The following MAST1 variants were observed in gnomAD, a reference collection of about 807,000 sequenced individuals.
MAST1 encodes the protein microtubule associated serine/threonine kinase 1, also known as microtubule-associated serine/threonine-protein kinase 1.
Under a neutral mutation model 124.6 loss-of-function variants are expected in MAST1, and 40 were observed. That is an observed-to-expected ratio of 0.32 (90% CI 0.25 to 0.42). The LOEUF is 0.42. MAST1 is among the 10% of genes least tolerant of loss of function. MAST1 has a pLI of 1.00. For synonymous variants in MAST1, 938 were observed against 939.4 expected, an observed-to-expected ratio of 1.00 and a Z score of 0.03; for missense variants, 1,558 against 2,181.9, an observed-to-expected ratio of 0.71 and a Z score of 5.70.
intron 4 of MAST1, among the ~76,000 whole-genome samples, chr19:12,846,604 C>A (rs963510105): frequency 6.6e-6 from 1 of 151,436 alleles, no homozygotes; most frequent in African/African-American, 2.4e-5. Context: ...AGGCTGGGTG[C>A]GGTGGCTTGT....
chr19:12,862,633 C>CTGT (rs952424127), intron 12 of MAST1, among the ~76,000 whole-genome samples: 6 of 151,658 alleles, frequency 4.0e-5, no homozygotes, highest in South Asian at 2.1e-4. Flanking sequence ...TGGTGAAACC[C>CTGT]TGTTGTTGTT....
rs34988246 is a variant in MAST1, at chr19:12,868,103, A to ATTTTTTTTTTTTTTTTTT, written c.2566+132_2566+149dup. 695 of 322,136 alleles carry ATTTTTTTTTTTTTTTTTT rather than the reference A, an allele frequency of 2.2e-3. 75 individuals are homozygous for ATTTTTTTTTTTTTTTTTT. The highest frequency in any genetic ancestry group is 0.012 in the East Asian group (98 of 8,358). 20.0% of individuals were successfully genotyped at this position (322,136 alleles called of 1,614,324 possible). A position where few individuals can be genotyped will look rare whatever the true frequency, so the allele number is the denominator to read the frequency against. The stretch of plus-strand genomic sequence containing the variant: ...GGTCCTATTCACATTGCAATTTGGG[A>ATTTTTTTTTTTTTTTTTT]TTTTTTTTTTTTTTTTTTTTTTTGA... On this transcript the variant is annotated intron_variant, in intron 20 of 25. Transcript: ENST00000251472.
At chr19:12,850,096 C>T (rs1389999268) in intron 7 of MAST1, among the ~76,000 whole-genome samples, 1 of 152,160 alleles carries the variant, frequency 6.6e-6, no homozygotes, top group Non-Finnish European at 1.5e-5. Context: ...CCATGCCTGG[C>T]CCCCACCAAT....
chr19:12,858,262 T>A, intron 10 of MAST1, 100 bp from the exon 11 acceptor site: 1 of 1,072,386 alleles, frequency 9.3e-7, no homozygotes. Flanking sequence ...TGAAGGACTC[T>A]TTCATTCTGT....
Position 12,847,276 on chromosome 19 carries a change from GC to G in MAST1, c.328-10del. ...CCATGGTGGCTCTGACCCCGGCCCT[GC>G]CCCTGTCCCCAGTCCTCCTGCTCCT... On this transcript the variant is annotated splice_polypyrimidine_tract_variant and intron_variant, in intron 4 of 25. Transcript: ENST00000251472. This position sits in a 1 kb window ranked among gnomAD's most constrained non-coding sequence, Gnocchi z 5.5. The G allele has an allele frequency of 6.2e-7, 1 of 1,600,304 alleles. No homozygotes were observed. Among genetic ancestry groups the G allele is most frequent in the Middle Eastern group, 1.7e-4 (1 of 5,982 alleles).
At position 12,841,028 on chromosome 19, in the gene MAST1, C is replaced by A; in HGVS notation, c.210C>A (p.Pro70=). 1 of 1,540,084 alleles carries A rather than the reference C, an allele frequency of 6.5e-7. No individual in the cohort carries two copies. The highest frequency in any genetic ancestry group is 9.0e-7 in the Non-Finnish European group (1 of 1,112,122). The change falls in exon 3 of 26, where the codon CCC becomes CCA. Residue 70 remains proline (P), a synonymous_variant. Coordinates refer to ENST00000251472, the MANE Select transcript of MAST1 (RefSeq NM_014975.3). This position sits in a 1 kb window ranked among gnomAD's most constrained non-coding sequence, Gnocchi z 4.3. ...SPLDSPRNFS[P]NTPAHFSFAS... ...TGGACAGCCCCCGAAACTTCTCCCCCAACACCCCCGCCCACTTCTCGTTTG... is the reference window on the plus strand; with the variant it reads ...TGGACAGCCCCCGAAACTTCTCCCCAAACACCCCCGCCCACTTCTCGTTTG...
intron 4 of MAST1, among the ~76,000 whole-genome samples, chr19:12,846,592 C>T (rs1237467237): frequency 6.6e-6 from 1 of 151,856 alleles, no homozygotes; most frequent in Non-Finnish European, 1.5e-5. Flanking sequence ...AAGGAGGCCA[C>T]TAGGCTGGGT....
chr19:12,860,485 AC>A, intron 12 of MAST1, among the ~76,000 whole-genome samples: 1 of 123,308 alleles, frequency 8.1e-6, no homozygotes, highest in Non-Finnish European at 1.6e-5. Context: ...TTGCTCTGTC[AC>A]CAGGCTCGAA....
rs1025678471 is a variant in MAST1 at position 12,838,832 on chromosome 19, G to C, written c.83+177G>C. Among the ~76,000 whole-genome samples, 1 of 151,778 alleles carries C rather than the reference G, an allele frequency of 6.6e-6. No homozygotes were observed. Among genetic ancestry groups the C allele is most frequent in the African/African-American group, 2.4e-5 (1 of 41,330 alleles). ...ATGGGGGGTGGTGTGGGCCGAGTCT[G>C]GGGGGCTTGCACGCTGGAGAGGACG... On this transcript the variant is annotated intron_variant, in intron 1 of 25. Coordinates refer to ENST00000251472, the MANE Select transcript of MAST1 (RefSeq NM_014975.3). The surrounding 1 kb of genome is among the most constrained non-coding windows in gnomAD (Gnocchi z 4.3).
chr19:12,862,177 G>C (rs1231946993), intron 12 of MAST1, among the ~76,000 whole-genome samples: 1 of 151,950 alleles, frequency 6.6e-6, no homozygotes, highest in Non-Finnish European at 1.5e-5. Flanking sequence ...GCAAATTTTT[G>C]TACTTTTAGT....
rs185465650 is a variant in MAST1 at position 12,859,166 on chromosome 19, G to A, written c.1366+427G>A. 1.8e-4 allele frequency among the ~76,000 whole-genome samples: 28 copies of A among 152,052 alleles called. No individual in the cohort carries two copies. In the East Asian group the frequency reaches 4.6e-3, roughly 25 times the overall value. ...GCAATCTCGGTTCACTGCAACCTCC[G>A]ACTCCCAGGCTCAAGCGATTCTTAT... On this transcript the variant is annotated intron_variant, in intron 12 of 25. Transcript: ENST00000251472.
In MAST1 at chr19:12,847,863, G is replaced by A. The variant is rs1359010285; in HGVS notation, c.580G>A (p.Glu194Lys). 6.2e-7 allele frequency: 1 copy of A among 1,611,102 alleles called. No individual in the cohort carries two copies. Among genetic ancestry groups the A allele is most frequent in the Non-Finnish European group, 8.5e-7 (1 of 1,178,886 alleles). ...ERFPKATAQM[E>K]EKLRDFTRAY... is the part of the protein sequence containing the mutation. ...CCTCCCGCAGGCCACTGCGCAGATG[G>A]AGGAGAAGCTGCGCGACTTTACCCG... Residue 194 changes from glutamate to lysine, a missense_variant, in exon 7 of 26, where the codon GAG becomes AAG. Physicochemically the swap from Glu to Lys is moderately conservative, Grantham distance 56 (BLOSUM62 1). This residue lies in a region of MAST1 where 165 missense variants were observed against 315.3 expected (regional missense o/e 0.52). Coordinates refer to ENST00000251472, the MANE Select transcript of MAST1 (RefSeq NM_014975.3). This position sits in a 1 kb window ranked among gnomAD's most constrained non-coding sequence, Gnocchi z 5.5.
chr19:12,843,862 G>A lies in MAST1; in HGVS notation c.327+255G>A, dbSNP rs1038786444. On this transcript the variant is annotated intron_variant, in intron 4 of 25. Transcript: ENST00000251472. This position sits in a 1 kb window ranked among gnomAD's most constrained non-coding sequence, Gnocchi z 4.9. ...ACAAAAAATTAAAAATTATCTGGGC[G>A]TGGTGGTGCACACCTGTGGTCCCCA... 7.9e-5 allele frequency among the ~76,000 whole-genome samples: 12 copies of A among 152,146 alleles called. No homozygotes were observed. Among genetic ancestry groups the A allele is most frequent in the Non-Finnish European group, 1.3e-4 (9 of 68,012 alleles).
rs768142982 is a variant in MAST1, at chr19:12,865,188, C to T, written c.1638+10C>T. On this transcript the variant is annotated intron_variant, in intron 14 of 25. Coordinates refer to ENST00000251472, the MANE Select transcript of MAST1 (RefSeq NM_014975.3). The surrounding 1 kb of genome is among the most constrained non-coding windows in gnomAD (Gnocchi z 7.1). ...GTTCCTGGACAAACAGGTGTGTGTG[C>T]GGGCATGGGGGTCGCTGAGGGTGGA... 57 of 1,612,462 alleles carry T rather than the reference C, an allele frequency of 3.5e-5. No homozygotes were observed. The East Asian group carries it at 1.1e-3, about 31-fold the overall frequency.
At chr19:12,863,145 C>T (rs1460116344) in intron 12 of MAST1, among the ~76,000 whole-genome samples, 1 of 132,164 alleles carries the variant, frequency 7.6e-6, no homozygotes, top group African/African-American at 2.9e-5. Context: ...GGTGACAGAG[C>T]CAGACTCTGA....
At chr19:12,845,598 T>A (rs1242173561) in intron 4 of MAST1, among the ~76,000 whole-genome samples, 8 of 145,494 alleles carry the variant, frequency 5.5e-5, no homozygotes, top group Non-Finnish European at 9.0e-5. Context: ...TAAAAAAAAA[T>A]AAAATAAAGC....
intron 10 of MAST1, among the ~76,000 whole-genome samples, chr19:12,852,628 C>G (rs1040319158): frequency 6.6e-6 from 1 of 150,860 alleles, no homozygotes. Context: ...CACCTGAGGT[C>G]GGGAGTTCGA....
At chr19:12,854,179 AATGGC>A (rs963747190) in intron 10 of MAST1, among the ~76,000 whole-genome samples, 2 of 147,164 alleles carry the variant, frequency 1.4e-5, no homozygotes, top group Non-Finnish European at 3.0e-5. Context: ...GCTGGAGTGC[AATGGC>A]GTGATCTCGG....
rs940270323 is a variant in MAST1, at chr19:12,841,991, G to A, written c.248+925G>A. Among the ~76,000 whole-genome samples, 5 of 152,186 alleles carry A rather than the reference G, an allele frequency of 3.3e-5. No individual in the cohort carries two copies. Among genetic ancestry groups the A allele is most frequent in the Non-Finnish European group, 5.9e-5 (4 of 68,036 alleles). ...GGACTGCTGGGAGGAAGAAGGAAGGGAGGAGTCCAATAAATGGGGTGTGTG... is the reference window on the plus strand; with the variant it reads ...GGACTGCTGGGAGGAAGAAGGAAGGAAGGAGTCCAATAAATGGGGTGTGTG... On this transcript the variant is annotated intron_variant, in intron 3 of 25. Coordinates refer to ENST00000251472, the MANE Select transcript of MAST1 (RefSeq NM_014975.3). The surrounding 1 kb of genome is among the most constrained non-coding windows in gnomAD (Gnocchi z 4.3).
Sources: allele counts gnomAD v4.1 joint callset (sites outside exome capture counted in the v4.1 genomes callset), GRCh38; gene constraint gnomAD v4.1.1; regional missense constraint gnomAD v4.1.1; non-coding constraint Gnocchi (gnomAD v3.1); transcripts MANE v1.5; gene names NCBI Gene and HGNC (gene_info 2026-07-23, HGNC 2026-07-21).